The following TCF12 variants were observed in gnomAD, a reference collection of about 807,000 sequenced individuals.
TCF12 encodes DNA-binding protein HTF4.
Under a neutral mutation model 86.0 loss-of-function variants are expected in TCF12, and 45 were observed. The observed-to-expected ratio is 0.52, with a 90% CI of 0.41 to 0.67. The LOEUF (loss-of-function observed/expected upper bound fraction) is 0.67. Among genes scored for constraint, TCF12 ranks in the 30% least tolerant of loss-of-function variants. TCF12 has a pLI of 0.00. For synonymous variants in TCF12, 330 were observed against 299.6 expected, an observed-to-expected ratio of 1.10 and a Z score of -1.05; for missense variants, 881 against 859.9, an observed-to-expected ratio of 1.02 and a Z score of -0.31.
chr15:56,922,025 A>G (rs377289290), intron 3 of TCF12, among the ~76,000 whole-genome samples: 13 of 151,974 alleles, frequency 8.6e-5, no homozygotes, highest in African/African-American at 3.1e-4. Flanking sequence ...GGTAAAGACT[A>G]GTATTATTCT....
At chr15:57,230,439 G>A (rs993983274) in intron 8 of TCF12, among the ~76,000 whole-genome samples, 1 of 151,914 alleles carries the variant, frequency 6.6e-6, no homozygotes, top group East Asian at 1.9e-4. Flanking sequence ...TGCCCATTTA[G>A]TTTTCCAGAG....
At position 57,282,498 on chromosome 15, in the gene TCF12, G is replaced by T. The variant is rs1342380114; in HGVS notation, c.2032G>T (p.Val678Phe). 1.2e-6 allele frequency: 2 copies of T among 1,614,206 alleles called. No individual in the cohort carries two copies. The highest frequency in any genetic ancestry group is 3.3e-5 in the Admixed American group (2 of 60,032). ...ACLKRREEEK[V>F]SAVSAEPPTT... ...CCTTAAGAGAAGGGAAGAAGAAAAA[G>T]TTTCTGCCGTATCGGCAGAGCCGCC... The change falls in exon 20 of 21, where the codon GTT becomes TTT. Residue 678 changes from valine (V) to phenylalanine (F), a missense_variant. By Grantham distance (50) the Val-to-Phe change is conservative. Coordinates refer to ENST00000333725, the MANE Select transcript of TCF12 (RefSeq NM_207037.2).
At chr15:57,167,712 T>C (rs2055005622) in intron 6 of TCF12, among the ~76,000 whole-genome samples, 1 of 152,142 alleles carries the variant, frequency 6.6e-6, no homozygotes, top group Non-Finnish European at 1.5e-5. Context: ...AATAAGTGAT[T>C]TGTTAAATAT....
rs1477951500 is a variant in TCF12 at position 57,114,423 on chromosome 15, C to T, written c.325+22532C>T. Reference sequence around the variant, plus strand: ...CTACCACCTCAGCCCCCCAAGTAGTCGGGAGTACAGGTGCACACCACCACA... The same window carrying T: ...CTACCACCTCAGCCCCCCAAGTAGTTGGGAGTACAGGTGCACACCACCACA... On this transcript the variant is annotated intron_variant, in intron 5 of 20. Coordinates refer to ENST00000333725, the MANE Select transcript of TCF12 (RefSeq NM_207037.2). Among the ~76,000 whole-genome samples, 5 of 152,048 alleles carry T rather than the reference C, an allele frequency of 3.3e-5. No homozygotes were observed. The East Asian group carries it at 7.7e-4, about 23-fold the overall frequency.
At chr15:56,960,428 G>C (rs1360793423) in intron 3 of TCF12, among the ~76,000 whole-genome samples, 1 of 120,874 alleles carries the variant, frequency 8.3e-6, no homozygotes, top group African/African-American at 2.9e-5. Context: ...CTACTGTATT[G>C]TATTTTTTTT....
chr15:56,938,651 T>TC (rs1224457954), intron 3 of TCF12, among the ~76,000 whole-genome samples: 1 of 151,950 alleles, frequency 6.6e-6, no homozygotes, highest in Non-Finnish European at 1.5e-5. Context: ...CTTTTTTTTT[T>TC]TTTTTTTTAG....
At chr15:57,027,251 G>A (rs1277876484) in intron 3 of TCF12, among the ~76,000 whole-genome samples, 3 of 152,198 alleles carry the variant, frequency 2.0e-5, no homozygotes, top group Non-Finnish European at 2.9e-5. Flanking sequence ...GTCTTGGAAC[G>A]GGTCATCAGA....
chr15:56,927,175 G>C (rs191006535), intron 3 of TCF12, among the ~76,000 whole-genome samples: 1 of 152,186 alleles, frequency 6.6e-6, no homozygotes, highest in Non-Finnish European at 1.5e-5. Flanking sequence ...ATTGTTTTTT[G>C]CATTTTATAT....
At chr15:57,007,953 TTC>T in intron 3 of TCF12, among the ~76,000 whole-genome samples, 1 of 148,202 alleles carries the variant, frequency 6.7e-6, no homozygotes, top group South Asian at 2.2e-4. Context: ...TTTTCTTTCT[TTC>T]TCTCTGTCTC....
chr15:56,942,710 C>T (rs561284411), intron 3 of TCF12, among the ~76,000 whole-genome samples: 1 of 152,206 alleles, frequency 6.6e-6, no homozygotes, highest in East Asian at 1.9e-4. Flanking sequence ...AGCATTGAGG[C>T]AAAATCTAAA....
At chr15:57,158,796 G>A (rs1177186298) in intron 5 of TCF12, among the ~76,000 whole-genome samples, 1 of 152,188 alleles carries the variant, frequency 6.6e-6, no homozygotes, top group African/African-American at 2.4e-5. Flanking sequence ...ATTCATAGCT[G>A]TGTGAGTAAT....
chr15:57,151,743 A>G (rs34760116), intron 5 of TCF12, among the ~76,000 whole-genome samples: 2 of 148,976 alleles, frequency 1.3e-5, no homozygotes, highest in Non-Finnish European at 3.0e-5. Context: ...ACTGCACTCC[A>G]CCCTGGCGAC....
intron 8 of TCF12, among the ~76,000 whole-genome samples, chr15:57,222,758 A>ATTTTT (rs57645813): frequency 4.0e-4 from 18 of 45,530 alleles, no homozygotes; most frequent in Admixed American, 3.8e-4. Flanking sequence ...AAGGACTGCC[A>ATTTTT]TTTTTTTTTT....
intron 8 of TCF12, among the ~76,000 whole-genome samples, chr15:57,229,784 C>G (rs1304320951): frequency 6.6e-6 from 1 of 151,712 alleles, no homozygotes; most frequent in African/African-American, 2.4e-5. Context: ...TCTGATCTGC[C>G]CATCAGTCTC....
intron 3 of TCF12, among the ~76,000 whole-genome samples, chr15:56,970,202 C>T (rs1319078013): frequency 1.3e-5 from 2 of 152,146 alleles, no homozygotes. Flanking sequence ...AAGATTACAG[C>T]TGGGAGTGGT....
intron 6 of TCF12, among the ~76,000 whole-genome samples, chr15:57,175,232 G>A (rs1311550615): frequency 6.6e-6 from 1 of 152,054 alleles, no homozygotes; most frequent in African/African-American, 2.4e-5. Context: ...TGTAGTCCTA[G>A]CTACTCAGGA....
intron 4 of TCF12, among the ~76,000 whole-genome samples, chr15:57,081,709 TTTTG>T (rs565327977): frequency 1.1e-3 from 171 of 152,086 alleles, no homozygotes; most frequent in Non-Finnish European, 2.0e-3. Context: ...GGCTAATGTT[TTTTG>T]TTTGTTTGTT....
chr15:57,248,167 C>T, intron 13 of TCF12: 1 of 696,632 alleles, frequency 1.4e-6, no homozygotes, highest in Non-Finnish European at 2.6e-6. Flanking sequence ...ACAGATTTCC[C>T]CTTACGTCTT....
chr15:57,057,913 A>G (rs1290478671), intron 3 of TCF12, among the ~76,000 whole-genome samples: 2 of 152,236 alleles, frequency 1.3e-5, no homozygotes, highest in Non-Finnish European at 2.9e-5. Context: ...TCTATGGAAG[A>G]AAACACTGGC....
Sources: allele counts gnomAD v4.1 joint callset (sites outside exome capture counted in the v4.1 genomes callset), GRCh38; gene constraint gnomAD v4.1.1; transcripts MANE v1.5; gene names NCBI Gene and HGNC (gene_info 2026-07-23, HGNC 2026-07-21).